IQCM: variants seen among roughly 807,000 people sequenced by gnomAD.
IQCM encodes IQ motif containing M.
A neutral mutation model predicts 57.6 loss-of-function variants in IQCM; 45 were observed. The observed-to-expected ratio is 0.78, with a 90% CI of 0.62 to 1.00. The LOEUF (loss-of-function observed/expected upper bound fraction) is 1.00, where lower values mean the gene tolerates loss of function less well. IQCM is among the 50% of genes least tolerant of loss of function. IQCM has a pLI of 0.00. For synonymous variants in IQCM, 148 were observed against 158.9 expected (o/e 0.93, Z 0.51); for missense variants, 468 against 511.6 (o/e 0.91, Z 0.82).
At chr4:149,475,569 G>A (rs1000549042) in intron 12 of IQCM, among the ~76,000 whole-genome samples, 7 of 152,010 alleles carry the variant, frequency 4.6e-5, no homozygotes, top group African/African-American at 1.7e-4. Flanking sequence ...GATCACCATG[G>A]GGGCAGTAGA....
intron 5 of IQCM, among the ~76,000 whole-genome samples, chr4:149,709,276 A>G (rs1253099116): frequency 6.6e-6 from 1 of 152,118 alleles, no homozygotes; most frequent in Non-Finnish European, 1.5e-5. Flanking sequence ...TCTCTGCCAA[A>G]TGAAAGTAAG....
intron 12 of IQCM, among the ~76,000 whole-genome samples, chr4:149,516,995 C>T (rs911667944): frequency 1.3e-5 from 2 of 151,584 alleles, no homozygotes; most frequent in African/African-American, 4.9e-5. Context: ...TCCATTAGGG[C>T]ACCTCTTAGT....
At chr4:149,626,113 G>A (rs781241357) in intron 7 of IQCM, among the ~76,000 whole-genome samples, 2 of 151,912 alleles carry the variant, frequency 1.3e-5, no homozygotes, top group Non-Finnish European at 2.9e-5. Flanking sequence ...AGTCAGTGGG[G>A]TGGGAAAGGC....
chr4:149,719,962 A>G (rs1765310306), intron 5 of IQCM, among the ~76,000 whole-genome samples: 2 of 152,224 alleles, frequency 1.3e-5, no homozygotes, highest in South Asian at 4.1e-4. Context: ...GGTCTGCACT[A>G]CAAATAGAAA....
intron 12 of IQCM, among the ~76,000 whole-genome samples, chr4:149,538,247 A>T (rs888841959): frequency 2.0e-5 from 3 of 151,794 alleles, no homozygotes; most frequent in Non-Finnish European, 4.4e-5. Context: ...ACAAAGGAGG[A>T]GGGATGACAG....
chr4:149,695,891 C>T (rs566554778), intron 5 of IQCM, among the ~76,000 whole-genome samples: 37 of 152,114 alleles, frequency 2.4e-4, no homozygotes, highest in African/African-American at 7.5e-4. Context: ...CTGAGGGAAG[C>T]GGGCTGAGAT....
At chr4:149,442,216 C>A (rs954571129) in intron 12 of IQCM, among the ~76,000 whole-genome samples, 1 of 152,058 alleles carries the variant, frequency 6.6e-6, no homozygotes, top group Non-Finnish European at 1.5e-5. Context: ...TCTGAGGTAT[C>A]AGCAAAAGGT....
chr4:149,709,626 G>T (rs1194575636), intron 5 of IQCM, among the ~76,000 whole-genome samples: 1 of 152,086 alleles, frequency 6.6e-6, no homozygotes. Flanking sequence ...AGATATTTCA[G>T]CAGGAGAACC....
At chr4:149,386,576 A>G (rs1472964476) in intron 13 of IQCM, among the ~76,000 whole-genome samples, 4 of 152,076 alleles carry the variant, frequency 2.6e-5, no homozygotes, top group Non-Finnish European at 5.9e-5. Flanking sequence ...ATTATCTGAT[A>G]TGAAAGCCAT....
chr4:149,805,946 G>A (rs2150057934), intron 2 of IQCM, among the ~76,000 whole-genome samples: 1 of 151,912 alleles, frequency 6.6e-6, no homozygotes, highest in Non-Finnish European at 1.5e-5. Context: ...ATGAATTTTG[G>A]TAGTGCACAA....
intron 12 of IQCM, among the ~76,000 whole-genome samples, chr4:149,460,834 G>T (rs1579132095): frequency 6.6e-6 from 1 of 152,124 alleles, no homozygotes; most frequent in East Asian, 1.9e-4. Flanking sequence ...GAATAAAGGA[G>T]TCTGCTTTTC....
chr4:149,675,043 C>A (rs1761631508), intron 7 of IQCM, among the ~76,000 whole-genome samples: 1 of 151,846 alleles, frequency 6.6e-6, no homozygotes, highest in Non-Finnish European at 1.5e-5. Context: ...TATTTCTAGA[C>A]CATAACTATT....
intron 13 of IQCM, among the ~76,000 whole-genome samples, chr4:149,390,417 GC>G (rs1429729116): frequency 6.7e-6 from 1 of 149,548 alleles, no homozygotes; most frequent in East Asian, 2.0e-4. Context: ...ATATCTAGAT[GC>G]TTTTTTTTTT....
chr4:149,527,049 C>T (rs548808639), intron 12 of IQCM, among the ~76,000 whole-genome samples: 2 of 152,098 alleles, frequency 1.3e-5, no homozygotes, highest in Non-Finnish European at 2.9e-5. Context: ...TCCTATCTGA[C>T]TCCTGGAATT....
At chr4:149,591,705 T>C (rs935453401) in intron 8 of IQCM, among the ~76,000 whole-genome samples, 8 of 152,122 alleles carry the variant, frequency 5.3e-5, no homozygotes, top group African/African-American at 1.9e-4. Flanking sequence ...ATGCGGTGTT[T>C]GGTTTTCCAT....
chr4:149,402,658 C>A (rs969496468), intron 13 of IQCM, among the ~76,000 whole-genome samples: 2 of 151,596 alleles, frequency 1.3e-5, no homozygotes, highest in Non-Finnish European at 3.0e-5. Context: ...TATTATAAAC[C>A]AAAATTAGAA....
intron 12 of IQCM, among the ~76,000 whole-genome samples, chr4:149,521,869 A>G (rs1232048763): frequency 6.6e-6 from 1 of 152,152 alleles, no homozygotes; most frequent in African/African-American, 2.4e-5. Flanking sequence ...GAGCATGAGT[A>G]AATCCGGGGC....
chr4:149,488,999 T>C (rs999272727), intron 12 of IQCM, among the ~76,000 whole-genome samples: 4 of 152,150 alleles, frequency 2.6e-5, no homozygotes, highest in Non-Finnish European at 4.4e-5. Context: ...ATTCTAGTGA[T>C]TTCCAAAGTC....
At chr4:149,423,832 C>A (rs1734283312) in intron 13 of IQCM, among the ~76,000 whole-genome samples, 1 of 151,860 alleles carries the variant, frequency 6.6e-6, no homozygotes, top group Admixed American at 6.6e-5. Context: ...ATGCCCTTAT[C>A]TCACCTTGGA....
Sources: allele counts gnomAD v4.1 joint callset (sites outside exome capture counted in the v4.1 genomes callset), GRCh38; gene constraint gnomAD v4.1.1; transcripts MANE v1.5; gene names NCBI Gene and HGNC (gene_info 2026-07-23, HGNC 2026-07-21).